The following NYAP2 variants were observed in gnomAD, a reference collection of about 807,000 sequenced individuals.
NYAP2 encodes the protein neuronal tyrosine-phosphorylated phosphoinositide-3-kinase adapter 2.
NYAP2 carries 23 observed loss-of-function variants against 50.4 expected under a neutral mutation model. That is an observed-to-expected ratio of 0.46 (90% CI 0.33 to 0.65). The LOEUF is 0.65. NYAP2 is among the 30% of genes least tolerant of loss of function. The pLI is 0.02. For missense variants in NYAP2, 885 were observed against 861.0 expected (o/e 1.03, Z -0.35); for synonymous variants, 394 against 365.2 (o/e 1.08, Z -0.90).
At chr2:225,626,826 A>G in intron 5 of NYAP2, 91 bp from the exon 6 acceptor site, 11 of 966,848 alleles carry the variant, frequency 1.1e-5, no homozygotes, top group Non-Finnish European at 1.7e-5. Context: ...ACATATTGAG[A>G]CAATTTTAGA....
chr2:225,573,326 AC>A (rs1559218252), intron 4 of NYAP2, among the ~76,000 whole-genome samples: 1 of 147,968 alleles, frequency 6.8e-6, no homozygotes, highest in African/African-American at 2.5e-5. Flanking sequence ...ATCTAGGCTC[AC>A]TGTAACTTCT....
chr2:225,498,307 T>A lies in NYAP2; in HGVS notation c.222-15064T>A, dbSNP rs151323603. On this transcript the variant is annotated intron_variant, in intron 3 of 6. Transcript: ENST00000636099. ...AGAAGAGAGTGGGTATTGATGAAAG[T>A]TTAAGAAAGAAGTGGCATTGGTTTA... Among the ~76,000 whole-genome samples the A allele has an allele frequency of 4.4e-3, 664 of 152,200 alleles. 5 individuals are homozygous for A. Among genetic ancestry groups the A allele is most frequent in the African/African-American group, 0.015 (631 of 41,514 alleles).
At chr2:225,613,761 C>A (rs997708549) in intron 5 of NYAP2, among the ~76,000 whole-genome samples, 15 of 151,988 alleles carry the variant, frequency 9.9e-5, no homozygotes, top group Non-Finnish European at 4.4e-5. Flanking sequence ...ACATTAAAAA[C>A]AAATCATTAA....
At chr2:225,647,937 T>G (rs1041117491) in intron 6 of NYAP2, among the ~76,000 whole-genome samples, 8 of 151,734 alleles carry the variant, frequency 5.3e-5, no homozygotes, top group Non-Finnish European at 2.9e-5. Flanking sequence ...ACCAAGAGGG[T>G]AGATCAAATT....
At chr2:225,543,953 A>G (rs1214981414) in intron 4 of NYAP2, among the ~76,000 whole-genome samples, 2 of 152,102 alleles carry the variant, frequency 1.3e-5, no homozygotes, top group Non-Finnish European at 2.9e-5. Flanking sequence ...TTAGGTGCAT[A>G]TGTATTTACA....
chr2:225,645,238 GAAAA>G (rs36010669), intron 6 of NYAP2, among the ~76,000 whole-genome samples: 1 of 101,536 alleles, frequency 9.8e-6, no homozygotes, highest in Non-Finnish European at 2.0e-5. Flanking sequence ...AGCCTGGGCA[GAAAA>G]AAAAAAAAAA....
At chr2:225,398,113 G>A (rs1257976723), upstream of NYAP2, among the ~76,000 whole-genome samples, 1 of 151,956 alleles carries the variant, frequency 6.6e-6, no homozygotes, top group Non-Finnish European at 1.5e-5. Context: ...CTTGGCAACT[G>A]TATGTCAGCC....
At chr2:225,627,184 C>A in intron 6 of NYAP2, 58 bp downstream of exon 6, 1 of 1,224,304 alleles carries the variant, frequency 8.2e-7, no homozygotes, top group Non-Finnish European at 1.2e-6. Flanking sequence ...AGACTACTTT[C>A]ATGCAATATC....
At chr2:225,664,248 T>C in the NYAP2 span, among the ~76,000 whole-genome samples, 1 of 152,238 alleles carries the variant, frequency 6.6e-6, no homozygotes, top group African/African-American at 2.4e-5. Flanking sequence ...AACCATGGAA[T>C]GCTTTTTGCA....
chr2:225,659,342 G>A, the NYAP2 span, among the ~76,000 whole-genome samples: 1 of 152,146 alleles, frequency 6.6e-6, no homozygotes, highest in Non-Finnish European at 1.5e-5. Flanking sequence ...GGTGAAGTTT[G>A]CATAATGAAC....
In NYAP2 at chr2:225,649,095, C is replaced by T. The variant is rs144438599; in HGVS notation, c.1829-2337C>T. 2.8e-3 allele frequency among the ~76,000 whole-genome samples: 422 copies of T among 152,124 alleles called. 3 individuals carry two copies. Among genetic ancestry groups the T allele is most frequent in the African/African-American group, 9.4e-3 (388 of 41,496 alleles). ...CACTATGCACGTACTTGTGCAAGTGCGTGTGTATGTGTGTGTATGTGTGTA... is the reference window on the plus strand; with the variant it reads ...CACTATGCACGTACTTGTGCAAGTGTGTGTGTATGTGTGTGTATGTGTGTA... On this transcript the variant is annotated intron_variant, in intron 6 of 6. Transcript: ENST00000636099.
chr2:225,422,706 G>A (rs1490514529), intron 3 of NYAP2, among the ~76,000 whole-genome samples: 2 of 152,158 alleles, frequency 1.3e-5, no homozygotes, highest in African/African-American at 4.8e-5. Flanking sequence ...AAAGTCAGAT[G>A]AGGGCATCAC....
chr2:225,417,673 A>G (rs1695147856), intron 3 of NYAP2, among the ~76,000 whole-genome samples: 1 of 152,188 alleles, frequency 6.6e-6, no homozygotes, highest in African/African-American at 2.4e-5. Context: ...ACCACTCAGC[A>G]TATCCTGATG....
the NYAP2 span, among the ~76,000 whole-genome samples, chr2:225,693,048 C>T: frequency 6.6e-6 from 1 of 152,044 alleles, no homozygotes; most frequent in Non-Finnish European, 1.5e-5. Context: ...TACCATGGTT[C>T]ATGTGTCATG....
At chr2:225,617,109 A>C (rs1693002864) in intron 5 of NYAP2, among the ~76,000 whole-genome samples, 1 of 152,114 alleles carries the variant, frequency 6.6e-6, no homozygotes, top group Non-Finnish European at 1.5e-5. Context: ...ATATTTTGTA[A>C]CCAAGCGATC....
chr2:225,627,019 C>A, exon 6 of NYAP2: 1 of 1,594,044 alleles, frequency 6.3e-7, no homozygotes, highest in East Asian at 2.3e-5. Flanking sequence ...TCCAGAGAGC[C>A]TGTCAAAGCT....
At chr2:225,518,706 A>G (rs563342547) in intron 4 of NYAP2, among the ~76,000 whole-genome samples, 1 of 148,604 alleles carries the variant, frequency 6.7e-6, no homozygotes, top group Non-Finnish European at 1.5e-5. Flanking sequence ...CATGGCAAAT[A>G]TACACAATTT....
chr2:225,582,281 C>A lies in NYAP2; in HGVS notation c.864C>A (p.Asp288Glu), dbSNP rs1692291227. The A allele has an allele frequency of 1.2e-6, 2 of 1,613,916 alleles. No individual in the cohort carries two copies. Among genetic ancestry groups the A allele is most frequent in the Non-Finnish European group, 1.7e-6 (2 of 1,179,902 alleles). The change falls in exon 5 of 7, where the codon GAC becomes GAA. Residue 288 changes from aspartate to glutamate, a missense_variant. By Grantham distance (45) the Asp-to-Glu change is conservative (BLOSUM62 2). Transcript: ENST00000636099. This position sits in a 1 kb window ranked among gnomAD's most constrained non-coding sequence, Gnocchi z 7.0. Reference sequence around the variant, plus strand: ...GCCAAGACGCCAAATGTGACTTCGACCATCACAGCTGTTCTTCGCAGTGTG... The same window carrying A: ...GCCAAGACGCCAAATGTGACTTCGAACATCACAGCTGTTCTTCGCAGTGTG...
At chr2:225,563,280 G>A (rs1410597403) in intron 4 of NYAP2, among the ~76,000 whole-genome samples, 2 of 152,128 alleles carry the variant, frequency 1.3e-5, no homozygotes, top group Admixed American at 1.3e-4. Flanking sequence ...CCAGAGAAGA[G>A]GTCCTTGAGT....
Sources: allele counts gnomAD v4.1 joint callset (sites outside exome capture counted in the v4.1 genomes callset), GRCh38; gene constraint gnomAD v4.1.1; non-coding constraint Gnocchi (gnomAD v3.1); transcripts MANE v1.5; gene names NCBI Gene and HGNC (gene_info 2026-07-23, HGNC 2026-07-21).